Variants in LMF1 observed in about 807,000 individuals in gnomAD.
LMF1 encodes the protein transmembrane protein 112.
LMF1 carries 68 observed loss-of-function variants against 60.6 expected under a neutral mutation model. The ratio of observed to expected loss-of-function variants is 1.12; its 90% CI spans 0.92 to 1.37. The LOEUF is 1.37. Ranked by LOEUF, LMF1 falls within the 40% of genes most tolerant of loss-of-function variation. LMF1 has a pLI of 0.00. For synonymous variants in LMF1, 418 were observed against 324.7 expected (o/e 1.29, Z -3.09); for missense variants, 948 against 767.2 (o/e 1.24, Z -2.78).
chr16:884,835 G>C (rs2070261453), intron 5 of LMF1: 1 of 142,644 alleles, frequency 7.0e-6, no homozygotes, highest in African/African-American at 2.7e-5. Context: ...TCTCCACGTA[G>C]GAGTGAAGAG....
chr16:868,798 C>G, intron 10 of LMF1, 146 bp downstream of exon 10: 2 of 536,838 alleles, frequency 3.7e-6, no homozygotes, highest in East Asian at 3.2e-5. Flanking sequence ...GCCCTTTTTG[C>G]TCCCAGCAGG....
intron 2 of LMF1, among the ~76,000 whole-genome samples, chr16:949,293 T>A (rs378913): frequency 1.3e-5 from 1 of 75,162 alleles, no homozygotes; most frequent in Admixed American, 1.5e-4. Context: ...AGTCAGCCAA[T>A]GACAGAGTCA....
At chr16:896,343 C>T (rs994092758) in intron 4 of LMF1, among the ~76,000 whole-genome samples, 9 of 152,358 alleles carry the variant, frequency 5.9e-5, no homozygotes, top group South Asian at 4.1e-4. Flanking sequence ...CCGGCATCGC[C>T]GTCTCTAGGG....
chr16:907,037 A>G (rs1257887143), intron 4 of LMF1, among the ~76,000 whole-genome samples: 1 of 152,180 alleles, frequency 6.6e-6, no homozygotes, highest in Non-Finnish European at 1.5e-5. Flanking sequence ...TTCCTATTTT[A>G]TGGTTCTGAA....
At chr16:880,929 C>CCTTG (rs1163820739) in intron 5 of LMF1, among the ~76,000 whole-genome samples, 1 of 152,234 alleles carries the variant, frequency 6.6e-6, no homozygotes, top group Non-Finnish European at 1.5e-5. Context: ...GGGCTGAAGG[C>CCTTG]CTTGCTAGCA....
At chr16:965,268 C>T (rs1472463540) in intron 1 of LMF1, among the ~76,000 whole-genome samples, 1 of 151,968 alleles carries the variant, frequency 6.6e-6, no homozygotes. Context: ...GCCCACGCTA[C>T]GAAGCTAGAC....
intron 3 of LMF1, among the ~76,000 whole-genome samples, chr16:928,040 C>T (rs12596409): frequency 0.012 from 1,878 of 152,316 alleles, 23 homozygotes; most frequent in South Asian, 0.097. Flanking sequence ...CCGAATGTAG[C>T]GACAAATAAC....
chr16:954,037 CCTCCTACACGTCCACACAGACACAGA>C (rs2072595052), intron 2 of LMF1, among the ~76,000 whole-genome samples: 1 of 136,614 alleles, frequency 7.3e-6, no homozygotes, highest in East Asian at 2.0e-4. Flanking sequence ...CCCAAACCAG[CCTCCTACACGTCCACACAGACACAGA>C]CCCACTGCTT....
chr16:952,874 T>A (rs1421868225), intron 2 of LMF1, among the ~76,000 whole-genome samples: 20 of 137,166 alleles, frequency 1.5e-4, no homozygotes, highest in Non-Finnish European at 2.5e-4. Context: ...ACCAGCCTCC[T>A]ACACATCCAC....
rs2072571541 is a variant in LMF1 at position 953,866 on chromosome 16, TCCACACAGACACCCCAAACCAGCC to T, written c.503+467_503+490del. 2.3e-4 allele frequency among the ~76,000 whole-genome samples: 7 copies of T among 30,138 alleles called. 1 individual carries two copies. The highest frequency in any genetic ancestry group is 6.8e-4 in the Admixed American group (2 of 2,956). 19.8% of individuals were successfully genotyped at this position (30,138 alleles called of 152,430 possible). On this transcript the variant is annotated intron_variant, in intron 2 of 10. Coordinates refer to ENST00000262301, the MANE Select transcript of LMF1 (RefSeq NM_022773.4). ...CCACCCCAAACCAGCCTCCTACACG[TCCACACAGACACCCCAAACCAGCC>T]TCCTACACGTCCACACAGACACCCA...
intron 2 of LMF1, among the ~76,000 whole-genome samples, chr16:953,290 C>G (rs1181603786): frequency 3.6e-5 from 2 of 55,466 alleles, no homozygotes; most frequent in Non-Finnish European, 7.5e-5. Context: ...CACACAGACA[C>G]CCCAAACCAG....
rs73497251 is a variant in LMF1, at chr16:890,737, C to T, written c.729+2270G>A. On this transcript the variant is annotated intron_variant, in intron 5 of 10. Transcript: ENST00000262301. ...CACAGTCGTTGGATTTGGGGCTCAG[C>T]AGTCCACTCTGACTTCATCTTAACT... Among the ~76,000 whole-genome samples the T allele has an allele frequency of 9.2e-3, 1,406 of 152,376 alleles. 23 individuals are homozygous for T. The highest frequency in any genetic ancestry group is 0.032 in the African/African-American group (1,342 of 41,598).
rs768541855 is a variant in LMF1 at position 868,971 on chromosome 16, T to C, written c.1502A>G (p.Asn501Ser). ...GGGCGGGGGCCTGCCCGCGAAGGGG[T>C]TGTGTGCCAGCAGGGACAAGGCCTC... The part of the protein sequence containing the change: ...DAEALSLLAH[N>S]PFAGRPPPRW... The change falls in exon 10 of 11, where the codon AAC becomes AGC. Residue 501 changes from asparagine to serine, a missense_variant. Transcript: ENST00000262301. The C allele has an allele frequency of 1.4e-5, 23 of 1,611,422 alleles. No homozygotes were observed. The highest frequency in any genetic ancestry group is 1.9e-5 in the Non-Finnish European group (22 of 1,179,406).
chr16:935,898 G>A (rs537060146), intron 2 of LMF1, among the ~76,000 whole-genome samples: 54 of 152,352 alleles, frequency 3.5e-4, no homozygotes, highest in Non-Finnish European at 5.0e-4. Flanking sequence ...CATCTGAGCC[G>A]TGGGGGAGGT....
At chr16:971,261 C>T (rs925452219), upstream of LMF1, among the ~76,000 whole-genome samples, 1 of 152,228 alleles carries the variant, frequency 6.6e-6, no homozygotes, top group African/African-American at 2.4e-5. Context: ...CGTCGCCCGA[C>T]CCGAGCTCAC....
intron 10 of LMF1, among the ~76,000 whole-genome samples, chr16:861,765 G>A (rs575885110): frequency 6.6e-5 from 10 of 152,180 alleles, no homozygotes; most frequent in Non-Finnish European, 7.3e-5. Context: ...TGATCGACAC[G>A]CCTTTTCTTT....
At chr16:928,196 A>G (rs374475258) in intron 3 of LMF1, among the ~76,000 whole-genome samples, 97 of 152,300 alleles carry the variant, frequency 6.4e-4, no homozygotes, top group Admixed American at 2.2e-3. Context: ...CGCTACGTGG[A>G]TGGGCCCCCC....
At chr16:855,203 G>C (rs1476716169) in intron 10 of LMF1, 1 of 235,620 alleles carries the variant, frequency 4.2e-6, no homozygotes, top group Non-Finnish European at 8.5e-6. Context: ...GAGGGAGCCA[G>C]GCCGGGACCT....
Position 962,955 on chromosome 16 carries a change from G to A in LMF1, c.193+7833C>T, listed in dbSNP as rs1308382542. Among the ~76,000 whole-genome samples the A allele has an allele frequency of 6.6e-6, 1 of 152,206 alleles. No individual in the cohort carries two copies. Among genetic ancestry groups the A allele is most frequent in the Non-Finnish European group, 1.5e-5 (1 of 68,040 alleles). ...CAGGCAGAGCACCGCAGGGCCCTGG[G>A]CGACGAAAGGGTCAGGGCTGGTGAC... On this transcript the variant is annotated intron_variant, in intron 1 of 10. Transcript: ENST00000262301. The surrounding 1 kb of genome is among the most constrained non-coding windows in gnomAD (Gnocchi z 4.5).
Sources: allele counts gnomAD v4.1 joint callset (sites outside exome capture counted in the v4.1 genomes callset), GRCh38; gene constraint gnomAD v4.1.1; non-coding constraint Gnocchi (gnomAD v3.1); transcripts MANE v1.5; gene names NCBI Gene and HGNC (gene_info 2026-07-23, HGNC 2026-07-21).